TTC39C: variants seen among roughly 807,000 people sequenced by gnomAD.
TTC39C encodes tetratricopeptide repeat protein 39C.
A neutral mutation model predicts 76.3 loss-of-function variants in TTC39C; 33 were observed. The observed-to-expected ratio is 0.43, with a 90% CI of 0.33 to 0.58. The LOEUF (loss-of-function observed/expected upper bound fraction) is 0.58. Among genes scored for constraint, TTC39C ranks in the 20% least tolerant of loss-of-function variants. TTC39C has a pLI of 0.04. For synonymous variants in TTC39C, 254 were observed against 260.6 expected (o/e 0.97, Z 0.24); for missense variants, 595 against 701.4 (o/e 0.85, Z 1.71).
chr18:24,131,761 C>A (rs2085133164), intron 12 of TTC39C, 121 bp from the exon 13 acceptor site: 9 of 703,342 alleles, frequency 1.3e-5, no homozygotes, highest in East Asian at 2.8e-5. Context: ...CTTGAATGAA[C>A]AGTTGACTCA....
chr18:24,014,741 T>TCTCCC (rs956931369), upstream of TTC39C: 354 of 1,132,704 alleles, frequency 3.1e-4, 1 homozygote, highest in African/African-American at 3.3e-3. Context: ...CCTCCCGTCT[T>TCTCCC]CTCCCCTCCC....
chr18:24,102,685 A>G (rs1972937), intron 6 of TTC39C, among the ~76,000 whole-genome samples: 88,992 of 151,826 alleles, frequency 0.59, 26,817 homozygotes, highest in Non-Finnish European at 0.67. Context: ...AGGCCTGGAG[A>G]TTGTACACCT....
At chr18:24,012,338 G>A (rs2083399867), upstream of TTC39C, among the ~76,000 whole-genome samples, 3 of 152,058 alleles carry the variant, frequency 2.0e-5, no homozygotes, top group Admixed American at 2.0e-4. Flanking sequence ...TGCCTATTGT[G>A]GGGTGCTGGG....
chr18:23,994,859 A>G (rs1238211648), intron 1 of TTC39C, among the ~76,000 whole-genome samples: 2 of 151,962 alleles, frequency 1.3e-5, no homozygotes, highest in African/African-American at 2.4e-5. Context: ...CTCTGATTTC[A>G]TTGGTCTGGG....
intron 1 of TTC39C, among the ~76,000 whole-genome samples, chr18:24,047,877 A>T (rs1385755897): frequency 2.0e-5 from 3 of 152,240 alleles, no homozygotes; most frequent in Non-Finnish European, 4.4e-5. Flanking sequence ...TGAGTATTAC[A>T]CATTGTATGC....
At chr18:24,129,050 T>TTTTTCTTATTCAC in intron 11 of TTC39C, 67 bp downstream of exon 11, 1 of 1,291,262 alleles carries the variant, frequency 7.7e-7, no homozygotes, top group Non-Finnish European at 1.1e-6. Flanking sequence ...TGCTTGTGAA[T>TTTTTCTTATTCAC]AAGAAAAATG....
intron 6 of TTC39C, among the ~76,000 whole-genome samples, chr18:24,092,110 A>T (rs1166428584): frequency 6.0e-5 from 8 of 132,962 alleles, no homozygotes; most frequent in African/African-American, 2.2e-4. Context: ...AAAAAAAAAA[A>T]AAAAAAAAAA....
intron 3 of TTC39C, among the ~76,000 whole-genome samples, chr18:24,067,682 A>G (rs1340401679): frequency 6.6e-6 from 1 of 152,142 alleles, no homozygotes; most frequent in Non-Finnish European, 1.5e-5. Context: ...CCCTCAACCC[A>G]GTCCATGGAA....
intron 1 of TTC39C, among the ~76,000 whole-genome samples, chr18:24,035,063 A>G (rs1198824031): frequency 6.6e-6 from 1 of 151,140 alleles, no homozygotes; most frequent in African/African-American, 2.4e-5. Flanking sequence ...TTTTAAAGAG[A>G]CAGAATCTGG....
chr18:24,132,590 C>T lies in TTC39C; in HGVS notation c.*16C>T, dbSNP rs76450357. ...TCCTCAGTGACAGACCCGGAACACC[C>T]GCTCCGTCCCTCCCCACCCAGGGTC... is the stretch of plus-strand genomic sequence containing the variant. On this transcript the variant is annotated 3_prime_UTR_variant, in exon 14 of 14. Transcript: ENST00000317571. 0.021 allele frequency: 33,382 copies of T among 1,603,830 alleles called. 1,366 individuals carry two copies. Among genetic ancestry groups the T allele is most frequent in the East Asian group, 0.15 (6,575 of 44,566 alleles).
At chr18:24,126,646 T>TC (rs1169602415) in intron 10 of TTC39C, among the ~76,000 whole-genome samples, 1 of 151,412 alleles carries the variant, frequency 6.6e-6, no homozygotes, top group East Asian at 1.9e-4. Context: ...CTTTTTAATT[T>TC]TTTTTTTTTT....
intron 6 of TTC39C, among the ~76,000 whole-genome samples, chr18:24,104,257 C>A (rs1441907855): frequency 6.6e-6 from 1 of 152,136 alleles, no homozygotes; most frequent in Non-Finnish European, 1.5e-5. Context: ...TTATAATGGT[C>A]ATCAGGGCTT....
chr18:24,132,302 G>A (rs894759078), intron 13 of TTC39C, among the ~76,000 whole-genome samples, 183 bp from the exon 14 acceptor site: 6 of 152,298 alleles, frequency 3.9e-5, no homozygotes, highest in East Asian at 3.9e-4. Context: ...TTCAGTTGAC[G>A]TTTTTAAAAA....
At chr18:24,024,326 A>G (rs777118609) in intron 1 of TTC39C, among the ~76,000 whole-genome samples, 11 of 151,994 alleles carry the variant, frequency 7.2e-5, no homozygotes, top group Non-Finnish European at 1.3e-4. Flanking sequence ...ATATTTTTAA[A>G]GTGTAAATGC....
chr18:24,071,205 G>A (rs2084237893), intron 4 of TTC39C, among the ~76,000 whole-genome samples: 2 of 152,154 alleles, frequency 1.3e-5, no homozygotes, highest in Non-Finnish European at 2.9e-5. Context: ...GGCATTACAG[G>A]TGTGAGCTGC....
intron 1 of TTC39C, among the ~76,000 whole-genome samples, chr18:24,038,463 T>G (rs905308922): frequency 6.6e-5 from 10 of 152,018 alleles, no homozygotes; most frequent in Non-Finnish European, 1.2e-4. Context: ...TTGTAGTTTT[T>G]GTAGAGACGG....
chr18:24,052,631 A>G (rs1167050091), intron 1 of TTC39C, among the ~76,000 whole-genome samples: 1 of 152,206 alleles, frequency 6.6e-6, no homozygotes, highest in Non-Finnish European at 1.5e-5. Flanking sequence ...GGAAAACTAT[A>G]AATTATTTAT....
At chr18:24,093,278 G>C (rs1236761083) in intron 6 of TTC39C, among the ~76,000 whole-genome samples, 1 of 152,094 alleles carries the variant, frequency 6.6e-6, no homozygotes, top group Non-Finnish European at 1.5e-5. Context: ...AGGAGATCGA[G>C]ACCATCCTGG....
intron 1 of TTC39C, among the ~76,000 whole-genome samples, chr18:24,023,755 G>T (rs1291049271): frequency 6.6e-6 from 1 of 151,440 alleles, no homozygotes; most frequent in East Asian, 1.9e-4. Flanking sequence ...TGGCTAGGAG[G>T]GGAAGCTTGC....
Sources: gnomAD v4.1 joint callset for allele counts (sites outside exome capture counted in the v4.1 genomes callset) on GRCh38, gnomAD v4.1.1 for gene constraint, MANE v1.5 for transcripts, NCBI Gene and HGNC (gene_info 2026-07-23, HGNC 2026-07-21) for gene names.